Variants in KALRN observed in about 807,000 individuals in gnomAD.
KALRN encodes kalirin RhoGEF kinase.
In KALRN, 70 loss-of-function variants were observed where a neutral mutation model predicts 353.7. The ratio of observed to expected loss-of-function variants is 0.20; its 90% CI spans 0.16 to 0.24. The LOEUF (loss-of-function observed/expected upper bound fraction) is 0.24. Ranked by LOEUF, KALRN falls within the 10% of genes least tolerant of loss-of-function variation. The pLI is 1.00. For synonymous variants in KALRN, 1,391 were observed against 1,434.8 expected, an observed-to-expected ratio of 0.97 and a Z score of 0.69; for missense variants, 2,791 against 3,756.7, an observed-to-expected ratio of 0.74 and a Z score of 6.72.
chr3:124,304,192 C>T (rs965753656), intron 6 of KALRN, among the ~76,000 whole-genome samples: 4 of 151,282 alleles, frequency 2.6e-5, no homozygotes, highest in Non-Finnish European at 4.4e-5. Context: ...CAGTGTTTGA[C>T]ACTGCCATAG....
At chr3:124,371,015 A>G in intron 10 of KALRN, among the ~76,000 whole-genome samples, 1 of 152,170 alleles carries the variant, frequency 6.6e-6, no homozygotes, top group Non-Finnish European at 1.5e-5. Context: ...GTCCCCATAA[A>G]CTTTTTATAA....
At chr3:124,633,556 GCT>G (rs887119436) in intron 35 of KALRN, among the ~76,000 whole-genome samples, 1 of 152,172 alleles carries the variant, frequency 6.6e-6, no homozygotes, top group African/African-American at 2.4e-5. Context: ...TAAAAGTTAG[GCT>G]CTCTCTGACT....
intron 1 of KALRN, among the ~76,000 whole-genome samples, chr3:124,116,183 C>T (rs62265090): frequency 6.6e-6 from 1 of 152,206 alleles, no homozygotes; most frequent in Non-Finnish European, 1.5e-5. Flanking sequence ...CTAGAGACTA[C>T]ATCTTCTGTT....
intron 11 of KALRN, among the ~76,000 whole-genome samples, chr3:124,392,822 A>G (rs2089629372): frequency 6.6e-6 from 1 of 151,242 alleles, no homozygotes; most frequent in Non-Finnish European, 1.5e-5. Flanking sequence ...GTTTTAGGGT[A>G]CATGTGCACA....
intron 33 of KALRN, among the ~76,000 whole-genome samples, chr3:124,544,973 G>A (rs888717150): frequency 2.0e-5 from 3 of 152,200 alleles, no homozygotes; most frequent in Admixed American, 6.5e-5. Context: ...TAGTTGCTGT[G>A]GAATAAGGTG....
intron 3 of KALRN, among the ~76,000 whole-genome samples, chr3:124,252,356 A>G (rs1013424922): frequency 1.3e-5 from 2 of 152,216 alleles, no homozygotes; most frequent in African/African-American, 4.8e-5. Context: ...CCCGCCTCTG[A>G]AACTTGCTAC....
chr3:124,383,577 A>G (rs1160068718), intron 10 of KALRN, among the ~76,000 whole-genome samples: 1 of 152,006 alleles, frequency 6.6e-6, no homozygotes, highest in Non-Finnish European at 1.5e-5. Context: ...GTCTCTTCAC[A>G]TGGCATTTTT....
chr3:124,435,463 T>C lies in KALRN; in HGVS notation c.3048+938T>C, dbSNP rs528191681. The stretch of plus-strand genomic sequence containing the variant: ...AGGATTTTTAAAATGATTTGGGTGC[T>C]GTTAGGGAATTCTTTTTATGAAACA... On this transcript the variant is annotated intron_variant, in intron 17 of 59. Coordinates refer to ENST00000682506, the MANE Select transcript of KALRN (RefSeq NM_001388419.1). 3.9e-5 allele frequency among the ~76,000 whole-genome samples: 6 copies of C among 152,356 alleles called. No homozygotes were observed. The East Asian group carries it at 1.2e-3, about 29-fold the overall frequency.
intron 34 of KALRN, among the ~76,000 whole-genome samples, chr3:124,572,159 C>A (rs1260233105): frequency 1.3e-5 from 2 of 150,918 alleles, no homozygotes; most frequent in African/African-American, 2.4e-5. Context: ...CCCATCTCTA[C>A]CAAAAATACA....
At chr3:124,701,802 C>T (rs948253055) in intron 56 of KALRN, among the ~76,000 whole-genome samples, 4 of 151,996 alleles carry the variant, frequency 2.6e-5, no homozygotes, top group African/African-American at 4.8e-5. Flanking sequence ...GATTGTACTG[C>T]GTTTTCCCTT....
At chr3:124,157,307 G>A (rs2069145505) in intron 1 of KALRN, among the ~76,000 whole-genome samples, 1 of 152,158 alleles carries the variant, frequency 6.6e-6, no homozygotes, top group Non-Finnish European at 1.5e-5. Flanking sequence ...CTCAGTCTGG[G>A]GCTCTTTGTT....
intron 34 of KALRN, among the ~76,000 whole-genome samples, chr3:124,605,584 A>AGAGAGAGAGAGAGAGAGAG (rs377624275): frequency 4.5e-5 from 6 of 132,154 alleles, no homozygotes; most frequent in African/African-American, 2.1e-4. Context: ...AAAAAAAAAA[A>AGAGAGAGAGAGAGAGAGAG]AAAGAGAGAG....
chr3:124,048,730 C>T (rs1177587247), intron 1 of KALRN, among the ~76,000 whole-genome samples: 1 of 152,204 alleles, frequency 6.6e-6, no homozygotes, highest in African/African-American at 2.4e-5. Context: ...GATCCGCCTG[C>T]CTTGGCCTCC....
chr3:124,269,656 C>A (rs1171559316), intron 5 of KALRN, among the ~76,000 whole-genome samples: 2 of 152,130 alleles, frequency 1.3e-5, no homozygotes, highest in African/African-American at 2.4e-5. Context: ...AGCTAAGGAA[C>A]AAAAACAGTA....
chr3:124,181,076 CAAAAAAAAAA>C (rs60579271), intron 1 of KALRN, among the ~76,000 whole-genome samples: 19 of 55,260 alleles, frequency 3.4e-4, no homozygotes, highest in Non-Finnish European at 5.7e-4. Flanking sequence ...ACTAAAAATA[CAAAAAAAAAA>C]AAAAAAAAAA....
At chr3:124,141,238 TC>T (rs1324904117) in intron 1 of KALRN, among the ~76,000 whole-genome samples, 1 of 152,176 alleles carries the variant, frequency 6.6e-6, no homozygotes, top group African/African-American at 2.4e-5. Flanking sequence ...CTTCAACTCC[TC>T]TTTTCACCAT....
chr3:124,072,143 T>A (rs2060046145), intron 1 of KALRN, among the ~76,000 whole-genome samples: 1 of 152,172 alleles, frequency 6.6e-6, no homozygotes, highest in Non-Finnish European at 1.5e-5. Context: ...GCCAGATAAA[T>A]GTAGTGGGAG....
At chr3:124,621,395 T>C (rs2149688196) in intron 34 of KALRN, among the ~76,000 whole-genome samples, 1 of 152,192 alleles carries the variant, frequency 6.6e-6, no homozygotes, top group Non-Finnish European at 1.5e-5. Flanking sequence ...GGATGTTGAG[T>C]TGGTAAAGGA....
intron 33 of KALRN, chr3:124,518,974 G>A (rs1369468833): frequency 5.0e-6 from 5 of 990,544 alleles, no homozygotes; most frequent in African/African-American, 1.7e-5. Flanking sequence ...GAGGGAAGAA[G>A]AAGAAGGGAT....
Sources: gnomAD v4.1 joint callset for allele counts (sites outside exome capture counted in the v4.1 genomes callset) on GRCh38, gnomAD v4.1.1 for gene constraint, MANE v1.5 for transcripts, NCBI Gene and HGNC (gene_info 2026-07-23, HGNC 2026-07-21) for gene names.